Variants in NLRP11 observed in about 807,000 individuals in gnomAD.
NLRP11 encodes NLR family pyrin domain containing 11.
Under a neutral mutation model 79.3 loss-of-function variants are expected in NLRP11, and 53 were observed. The observed-to-expected ratio is 0.67, with a 90% CI of 0.54 to 0.84. The LOEUF (loss-of-function observed/expected upper bound fraction) is 0.84, where lower values mean the gene tolerates loss of function less well. NLRP11 is among the 40% of genes least tolerant of loss of function. The probability of loss-of-function intolerance (pLI) is 0.00; values close to 1 mark genes in which losing one functional copy is unlikely to be tolerated. For synonymous variants in NLRP11, 518 were observed against 462.6 expected, an observed-to-expected ratio of 1.12 and a Z score of -1.54; for missense variants, 1,264 against 1,255.0, an observed-to-expected ratio of 1.01 and a Z score of -0.11.
chr19:55,785,536 CACAT>C (rs1157688508), exon 10 of NLRP11: 42 of 1,052,128 alleles, frequency 4.0e-5, no homozygotes, highest in South Asian at 6.1e-5. Context: ...CACACACACA[CACAT>C]CAAATAGGAA....
intron 9 of NLRP11, among the ~76,000 whole-genome samples, chr19:55,787,595 C>A (rs1379446431): frequency 5.3e-5 from 8 of 152,226 alleles, no homozygotes; most frequent in Non-Finnish European, 1.2e-4. Flanking sequence ...CCTTAGCCTT[C>A]CAAAGTGCTG....
chr19:55,807,963 T>G (rs771350493), exon 4 of NLRP11: 17 of 1,612,316 alleles, frequency 1.1e-5, no homozygotes, highest in Non-Finnish European at 1.4e-5. Context: ...GGCTCTCCAT[T>G]GTATAAAAAA....
intron 6 of NLRP11, among the ~76,000 whole-genome samples, chr19:55,795,250 C>T (rs1201579753): frequency 6.6e-6 from 1 of 152,138 alleles, no homozygotes; most frequent in Non-Finnish European, 1.5e-5. Flanking sequence ...CAGTCGGTTA[C>T]ATACAGGGAG....
At chr19:55,810,624 G>A (rs1405890215) in intron 2 of NLRP11, among the ~76,000 whole-genome samples, 1 of 152,100 alleles carries the variant, frequency 6.6e-6, no homozygotes, top group African/African-American at 2.4e-5. Context: ...AGCCTCCCAA[G>A]TAGCTAGGAT....
chr19:55,807,337 T>C (rs943994564), intron 4 of NLRP11, among the ~76,000 whole-genome samples: 1 of 152,206 alleles, frequency 6.6e-6, no homozygotes, highest in Non-Finnish European at 1.5e-5. Flanking sequence ...CAAGTACAGC[T>C]GCTTTTCACC....
intron 8 of NLRP11, 121 bp from the exon 9 acceptor site, chr19:55,789,098 G>T: frequency 7.3e-7 from 1 of 1,371,214 alleles, no homozygotes; most frequent in Non-Finnish European, 1.0e-6. Context: ...AACTGACTGT[G>T]CAATAAGAGT....
chr19:55,815,096 G>C (rs938858975), intron 2 of NLRP11, among the ~76,000 whole-genome samples: 1 of 148,674 alleles, frequency 6.7e-6, no homozygotes, highest in Non-Finnish European at 1.5e-5. Flanking sequence ...AACATAGACA[G>C]AAAGATCAAA....
chr19:55,795,359 C>A (rs578170559), intron 6 of NLRP11, among the ~76,000 whole-genome samples: 1 of 152,032 alleles, frequency 6.6e-6, no homozygotes, highest in Admixed American at 6.5e-5. Context: ...TCTTTGTGTT[C>A]TCAGTCACAT....
chr19:55,792,966 C>T (rs1273619232), intron 6 of NLRP11, among the ~76,000 whole-genome samples: 1 of 152,142 alleles, frequency 6.6e-6, no homozygotes, highest in African/African-American at 2.4e-5. Context: ...CCAGGTTTAG[C>T]TCGTTGCCAA....
chr19:55,785,998 G>A, intron 9 of NLRP11, 127 bp from the exon 10 acceptor site: 1 of 981,374 alleles, frequency 1.0e-6, no homozygotes, highest in Non-Finnish European at 1.5e-6. Context: ...CCATCTCTGA[G>A]GAAACAAAAA....
At chr19:55,818,016 A>G in exon 2 of NLRP11, 1 of 1,613,790 alleles carries the variant, frequency 6.2e-7, no homozygotes, top group Non-Finnish European at 8.5e-7. Flanking sequence ...GCAACACGTT[A>G]GCCAGTTCTT....
chr19:55,807,840 A>C lies in NLRP11; in HGVS notation c.2003+13T>G. On this transcript the variant is annotated intron_variant, in intron 4 of 9. Coordinates refer to ENST00000589093, the Ensembl canonical transcript of NLRP11. ...AGGGGAACCTCTAAGGCAGAGGTTG[A>C]TATAGTACTTACTTGAGTGTGCGAA... is the stretch of plus-strand genomic sequence containing the variant. 1 of 1,587,906 alleles carries C rather than the reference A, an allele frequency of 6.3e-7. No homozygotes were observed. The highest frequency in any genetic ancestry group is 8.6e-7 in the Non-Finnish European group (1 of 1,160,562).
At chr19:55,792,604 T>C (rs1978384722) in intron 6 of NLRP11, 133 bp from the exon 7 acceptor site, 2 of 642,122 alleles carry the variant, frequency 3.1e-6, no homozygotes, top group South Asian at 1.9e-5. Context: ...CCAATGACTT[T>C]CTTATTTGGA....
chr19:55,821,203 TCTCACA>T (rs1305012882), intron 1 of NLRP11, among the ~76,000 whole-genome samples: 2,488 of 113,104 alleles, frequency 0.022, 20 homozygotes, highest in South Asian at 0.037. Context: ...TCTCTCTCTC[TCTCACA>T]CACACACACA....
At chr19:55,833,422 T>C (rs1982962194), upstream of NLRP11, among the ~76,000 whole-genome samples, 1 of 152,066 alleles carries the variant, frequency 6.6e-6, no homozygotes, top group South Asian at 2.1e-4. Flanking sequence ...GAATGATGAT[T>C]GAGTTGGACC....
At chr19:55,794,592 C>G (rs1196582447) in intron 6 of NLRP11, among the ~76,000 whole-genome samples, 1 of 152,064 alleles carries the variant, frequency 6.6e-6, no homozygotes, top group Admixed American at 6.6e-5. Flanking sequence ...AACCCCGTCT[C>G]TACTAAAAAT....
In NLRP11 at chr19:55,809,638, C is replaced by T; in HGVS notation, c.972G>A (p.Gln324=). 2 of 1,614,216 alleles carry T rather than the reference C, an allele frequency of 1.2e-6. No individual in the cohort carries two copies. Among genetic ancestry groups the T allele is most frequent in the South Asian group, 1.1e-5 (1 of 91,080 alleles). ...CGAGTATTTCATCCTCATGTACAAG[C>T]TGGAGGGCTGCCGACGCCCTCTGGC... Residue 324 remains glutamine, a synonymous_variant, in exon 3 of 10, where the codon CAG becomes CAA. Coordinates refer to ENST00000589093, the Ensembl canonical transcript of NLRP11. The surrounding 1 kb of genome is among the most constrained non-coding windows in gnomAD (Gnocchi z 4.5).
chr19:55,829,622 G>C (rs1982551880), intron 1 of NLRP11, among the ~76,000 whole-genome samples: 1 of 144,118 alleles, frequency 6.9e-6, no homozygotes, highest in Non-Finnish European at 1.5e-5. Context: ...AGCCGAGATG[G>C]CGCCACTGCA....
chr19:55,830,070 A>G (rs12985556), intron 1 of NLRP11, among the ~76,000 whole-genome samples: 16 of 152,088 alleles, frequency 1.1e-4, no homozygotes, highest in African/African-American at 3.6e-4. Flanking sequence ...AACTTCATGT[A>G]TAAGTGGACA....
Sources: gnomAD v4.1 joint callset for allele counts (sites outside exome capture counted in the v4.1 genomes callset) on GRCh38, gnomAD v4.1.1 for gene constraint, Gnocchi (gnomAD v3.1) non-coding constraint, MANE v1.5 for transcripts, NCBI Gene and HGNC (gene_info 2026-07-23, HGNC 2026-07-21) for gene names.